Variants in PTGFRN observed in about 807,000 individuals in gnomAD.
PTGFRN encodes prostaglandin F2 receptor negative regulator.
In PTGFRN, 35 loss-of-function variants were observed where a neutral mutation model predicts 83.2. The observed-to-expected ratio is 0.42, with a 90% CI of 0.32 to 0.56. PTGFRN has a LOEUF of 0.56. PTGFRN is among the 20% of genes least tolerant of loss of function. The pLI is 0.11. For missense variants in PTGFRN, 1,051 were observed against 1,179.5 expected, an observed-to-expected ratio of 0.89 and a Z score of 1.60; for synonymous variants, 519 against 498.6, an observed-to-expected ratio of 1.04 and a Z score of -0.55.
chr1:116,974,554 C>T (rs1479683533), intron 7 of PTGFRN: 10 of 435,006 alleles, frequency 2.3e-5, no homozygotes, highest in African/African-American at 1.8e-4. Flanking sequence ...TCTGAGCTGT[C>T]AAGACAGTCA....
intron 8 of PTGFRN, among the ~76,000 whole-genome samples, 189 bp from the exon 9 acceptor site, chr1:116,986,612 T>A (rs190539994): frequency 4.3e-4 from 66 of 152,342 alleles, no homozygotes; most frequent in Non-Finnish European, 7.6e-4. Context: ...GGAAGACATT[T>A]GCTCATTTTT....
chr1:116,949,056 C>G, intron 3 of PTGFRN, 136 bp from the exon 4 acceptor site: 4 of 1,039,168 alleles, frequency 3.8e-6, no homozygotes, highest in Non-Finnish European at 5.4e-6. Flanking sequence ...ATTTCTCAAG[C>G]ACTTACAACT....
intron 7 of PTGFRN, among the ~76,000 whole-genome samples, chr1:116,980,211 AC>A (rs913595173): frequency 4.6e-5 from 7 of 152,104 alleles, no homozygotes; most frequent in Non-Finnish European, 1.0e-4. Flanking sequence ...AAGTCAGGGA[AC>A]AACAGGTGCT....
At chr1:116,921,060 C>T (rs1649524499) in intron 1 of PTGFRN, among the ~76,000 whole-genome samples, 1 of 152,154 alleles carries the variant, frequency 6.6e-6, no homozygotes, top group Admixed American at 6.5e-5. Flanking sequence ...GGATAAATAC[C>T]ACCTACTAAA....
At chr1:116,936,764 GAGT>G (rs1158562951) in intron 1 of PTGFRN, among the ~76,000 whole-genome samples, 1 of 152,216 alleles carries the variant, frequency 6.6e-6, no homozygotes, top group Non-Finnish European at 1.5e-5. Flanking sequence ...GCCAGATCAT[GAGT>G]GGTCTTGTAT....
intron 7 of PTGFRN, among the ~76,000 whole-genome samples, chr1:116,982,076 C>T (rs1032365957): frequency 1.3e-5 from 2 of 152,054 alleles, no homozygotes; most frequent in African/African-American, 4.8e-5. Context: ...AGCAGAATTC[C>T]GAAGAGAAAG....
At chr1:116,964,482 C>T (rs373846535) in intron 5 of PTGFRN, among the ~76,000 whole-genome samples, 4 of 152,036 alleles carry the variant, frequency 2.6e-5, no homozygotes, top group Admixed American at 1.3e-4. Flanking sequence ...TTTTTGGACC[C>T]GGAAACATTA....
intron 2 of PTGFRN, among the ~76,000 whole-genome samples, chr1:116,943,374 A>C (rs944437773): frequency 6.6e-6 from 1 of 152,204 alleles, no homozygotes; most frequent in African/African-American, 2.4e-5. Context: ...ATCCCCTTGG[A>C]GTCTCCTCTT....
rs1268163353 is a variant in PTGFRN at position 116,988,795 on chromosome 1, A to G, written c.*1828A>G. 3.9e-5 allele frequency: 6 copies of G among 152,720 alleles called. No homozygotes were observed. The allele number at this position is 152,720 out of a possible 1,614,324, so 9.5% of individuals were successfully genotyped here. ...TAGAAACATTAGATTCTGCATTGAC[A>G]GTAGCCTTTCCTTGGCCCGGGCCTG... On this transcript the variant is annotated 3_prime_UTR_variant, in exon 9 of 9. Coordinates refer to ENST00000393203, the MANE Select transcript of PTGFRN (RefSeq NM_020440.4).
At chr1:116,964,531 A>G (rs1250499862) in intron 5 of PTGFRN, among the ~76,000 whole-genome samples, 1 of 152,074 alleles carries the variant, frequency 6.6e-6, no homozygotes, top group African/African-American at 2.4e-5. Flanking sequence ...TAGTCCTTGG[A>G]CTTGGACTTC....
In PTGFRN at chr1:116,941,683, A is replaced by G. The variant is rs1650063888; in HGVS notation, c.50-32A>G. ...TGTCCTGGGAAGACTTTCTGTGATT[A>G]AAGACCTGCCTTTCATCTTTTATCA... On this transcript the variant is annotated intron_variant, in intron 1 of 8. Coordinates refer to ENST00000393203, the MANE Select transcript of PTGFRN (RefSeq NM_020440.4). This position sits in a 1 kb window ranked among gnomAD's most constrained non-coding sequence, Gnocchi z 5.0. The G allele has an allele frequency of 1.9e-6, 3 of 1,575,624 alleles. No homozygotes were observed. Among genetic ancestry groups the G allele is most frequent in the South Asian group, 1.2e-5 (1 of 84,670 alleles).
intron 8 of PTGFRN, among the ~76,000 whole-genome samples, chr1:116,986,084 T>A (rs1434140276): frequency 1.3e-5 from 2 of 152,218 alleles, no homozygotes; most frequent in Non-Finnish European, 2.9e-5. Flanking sequence ...TGATCCATTT[T>A]CTCTCGTAAA....
In PTGFRN at chr1:116,944,768, A is replaced by G. The variant is rs751425109; in HGVS notation, c.508A>G (p.Thr170Ala). 3 of 1,555,200 alleles carry G rather than the reference A, an allele frequency of 1.9e-6. No homozygotes were observed. The highest frequency in any genetic ancestry group is 3.7e-5 in the Admixed American group (2 of 53,760). ...REGEPFELRC[T>A]AASASPLHTH... ...GGGGGAGCCCTTCGAGCTGCGCTGC[A>G]CCGCCGCCTCCGCCTCGCCGCTGCA... Residue 170 changes from threonine to alanine, a missense_variant, in exon 3 of 9, where the codon ACC (threonine) becomes GCC (alanine). Transcript: ENST00000393203.
chr1:116,916,139 C>CGG lies in PTGFRN; in HGVS notation c.49+5887_49+5888insGG, dbSNP rs200588957. On this transcript the variant is annotated intron_variant, in intron 1 of 8. Transcript: ENST00000393203. ...CTCCACAATACTCTGTATTGTGTCACTAAGCAGCATGATTCAAGTTTAAGT... is the reference window on the plus strand; with the variant it reads ...CTCCACAATACTCTGTATTGTGTCACGGTAAGCAGCATGATTCAAGTTTAAGT... Among the ~76,000 whole-genome samples, 781 of 152,316 alleles carry CGG rather than the reference C, an allele frequency of 5.1e-3. 4 individuals carry two copies. The highest frequency in any genetic ancestry group is 0.017 in the Middle Eastern group (5 of 294).
At position 116,986,951 on chromosome 1, in the gene PTGFRN, C is replaced by T. The variant is rs1213026588; in HGVS notation, c.2624C>T (p.Ser875Leu). Residue 875 changes from serine to leucine, a missense_variant, in exon 9 of 9, where the codon TCG (serine) becomes TTG (leucine). This residue lies in a region of PTGFRN where 719 missense variants were observed against 836.6 expected (regional missense o/e 0.86). Transcript: ENST00000393203. ...ETRRERRRLM[S>L]MEMD Reference sequence around the variant, plus strand: ...CGGCGCGAGCGCCGCAGGCTCATGTCGATGGAGATGGACTAGGCTGGCCCG... The same window carrying T: ...CGGCGCGAGCGCCGCAGGCTCATGTTGATGGAGATGGACTAGGCTGGCCCG... 16 of 1,614,070 alleles carry T rather than the reference C, an allele frequency of 9.9e-6. No individual in the cohort carries two copies. The highest frequency in any genetic ancestry group is 2.7e-5 in the African/African-American group (2 of 74,938).
rs906881533 is a variant in PTGFRN, at chr1:116,989,726, C to T, written c.*2759C>T. 1 of 152,538 alleles carries T rather than the reference C, an allele frequency of 6.6e-6. No individual in the cohort carries two copies. Among genetic ancestry groups the T allele is most frequent in the African/African-American group, 2.4e-5 (1 of 41,424 alleles). The allele number at this position is 152,538 out of a possible 1,614,324, so 9.4% of individuals were successfully genotyped here. A position where few individuals can be genotyped will look rare whatever the true frequency, so the allele number is the denominator to read the frequency against. ...TTTCACTTTGAAAAAAAATGCAAATCGACTTTTTAACAACTGTTGAGATGT... is the reference window on the plus strand; with the variant it reads ...TTTCACTTTGAAAAAAAATGCAAATTGACTTTTTAACAACTGTTGAGATGT... On this transcript the variant is annotated 3_prime_UTR_variant, in exon 9 of 9. Transcript: ENST00000393203.
At chr1:116,965,042 T>C (rs1466088511) in intron 5 of PTGFRN, among the ~76,000 whole-genome samples, 1 of 152,200 alleles carries the variant, frequency 6.6e-6, no homozygotes, top group African/African-American at 2.4e-5. Flanking sequence ...CCCAGAGTCC[T>C]CTAAGTGGTC....
rs1454879081 is a variant in PTGFRN, at chr1:116,976,175, A to G, written c.2167+1852A>G. 2.0e-5 allele frequency among the ~76,000 whole-genome samples: 3 copies of G among 152,226 alleles called. No individual in the cohort carries two copies. The East Asian group carries it at 5.8e-4, about 29-fold the overall frequency. ...AAGCGAGAAGAGAAGTTTAGAGAAA[A>G]AAGAGTAAAAAGAAATGAACAAAGC... On this transcript the variant is annotated intron_variant, in intron 7 of 8. Transcript: ENST00000393203.
Position 116,974,244 on chromosome 1 carries a change from A to G in PTGFRN, c.2088A>G (p.Ser696=). The change falls in exon 7 of 9, where the codon TCA becomes TCG. Residue 696 remains serine (S), a synonymous_variant. Transcript: ENST00000393203. ...SGPIFNASVH[S]DTPSVIRGDL... ...CTATATTTAATGCTTCTGTGCATTC[A>G]GACACACCATCAGTAATTCGGGGAG... The G allele has an allele frequency of 6.2e-7, 1 of 1,612,244 alleles. No homozygotes were observed. Among genetic ancestry groups the G allele is most frequent in the East Asian group, 2.2e-5 (1 of 44,858 alleles).
Sources: gnomAD v4.1 joint callset for allele counts (sites outside exome capture counted in the v4.1 genomes callset) on GRCh38, gnomAD v4.1.1 for gene constraint, gnomAD v4.1.1 regional missense constraint, Gnocchi (gnomAD v3.1) non-coding constraint, MANE v1.5 for transcripts, NCBI Gene and HGNC (gene_info 2026-07-23, HGNC 2026-07-21) for gene names.